The following ZNF384 variants were observed in gnomAD, a reference collection of about 807,000 sequenced individuals.
ZNF384 encodes zinc finger protein 384.
A neutral mutation model predicts 65.0 loss-of-function variants in ZNF384; 20 were observed. The ratio of observed to expected loss-of-function variants is 0.31; its 90% confidence interval spans 0.22 to 0.45. ZNF384 has a LOEUF of 0.45. ZNF384 is among the 20% of genes least tolerant of loss of function. The pLI is 1.00. For synonymous variants in ZNF384, 310 were observed against 303.9 expected, an observed-to-expected ratio of 1.02 and a Z score of -0.21; for missense variants, 549 against 769.4, an observed-to-expected ratio of 0.71 and a Z score of 3.39.
intron 2 of ZNF384, among the ~76,000 whole-genome samples, chr12:6,681,775 A>C (rs1956062654): frequency 6.6e-6 from 1 of 152,228 alleles, no homozygotes; most frequent in African/African-American, 2.4e-5. Flanking sequence ...CCCAATTTTC[A>C]TAAAATCTAT....
At chr12:6,675,416 C>G (rs1173543215) in intron 7 of ZNF384, among the ~76,000 whole-genome samples, 1 of 152,218 alleles carries the variant, frequency 6.6e-6, no homozygotes, top group Non-Finnish European at 1.5e-5. Flanking sequence ...ATGATGCCAG[C>G]CTACTTTAAG....
intron 3 of ZNF384, 21 bp downstream of exon 3, chr12:6,679,434 C>CAA: frequency 6.2e-7 from 1 of 1,611,528 alleles, no homozygotes; most frequent in South Asian, 1.1e-5. Context: ...TTGGAGAGAG[C>CAA]AAGAAAGCAA....
intron 3 of ZNF384, 38 bp from the exon 4 acceptor site, chr12:6,679,221 G>T: frequency 6.6e-7 from 1 of 1,519,500 alleles, no homozygotes; most frequent in Non-Finnish European, 8.9e-7. Context: ...ACCCTCTTCA[G>T]CCTGAGAGGC....
chr12:6,667,979 G>A lies in ZNF384; in HGVS notation c.1562C>T (p.Ala521Val). The change falls in exon 12 of 12, where the codon GCC becomes GTC. Residue 521 changes from alanine (A) to valine (V), a missense_variant. This residue lies in a region of ZNF384 where 136 missense variants were observed against 183.0 expected (regional missense o/e 0.74). Coordinates refer to ENST00000683879, the MANE Select transcript of ZNF384 (RefSeq NM_001385745.1). ...CTGGGAGGCCTGGGCCTGGGCCTGG[G>A]CTTGAGCCTGAGCCTGAGCCTGGGC... ...AQAQAQAQAQ[A>V]QAQAQASQAS... 1 of 1,611,944 alleles carries A rather than the reference G, an allele frequency of 6.2e-7. No homozygotes were observed. The highest frequency in any genetic ancestry group is 1.7e-5 in the Admixed American group (1 of 59,798).
At chr12:6,681,829 G>A (rs546540207) in intron 2 of ZNF384, among the ~76,000 whole-genome samples, 1 of 152,196 alleles carries the variant, frequency 6.6e-6, no homozygotes, top group East Asian at 1.9e-4. Context: ...AGTAGCGAGG[G>A]TGCAATGTAC....
At chr12:6,682,083 G>A (rs1281815736) in intron 2 of ZNF384, among the ~76,000 whole-genome samples, 2 of 149,876 alleles carry the variant, frequency 1.3e-5, no homozygotes, top group Admixed American at 6.7e-5. Flanking sequence ...CTTGAGGTCT[G>A]GAGTTTGAGA....
rs1403483751 is a variant in ZNF384 at position 6,678,669 on chromosome 12, A to G, written c.346T>C (p.Ser116Pro). The G allele has an allele frequency of 6.2e-7, 1 of 1,613,300 alleles. No individual in the cohort carries two copies. The highest frequency in any genetic ancestry group is 8.5e-7 in the Non-Finnish European group (1 of 1,179,848). The change falls in exon 5 of 12, where the codon TCA becomes CCA. Residue 116 changes from serine (S) to proline (P), a missense_variant. This residue lies in a region of ZNF384 where 277 missense variants were observed against 337.2 expected (regional missense o/e 0.82). Transcript: ENST00000683879. This position sits in a 1 kb window ranked among gnomAD's most constrained non-coding sequence, Gnocchi z 4.9. ...TGGTAACAGTGAGATTTACCCCTTG[A>G]TTGACTCCCTTCTCTTCTCCACCTC... ...SQRWRREGSQSRGPGLVITSP... is the reference protein window; with the variant it reads ...SQRWRREGSQPRGPGLVITSP...
At chr12:6,671,577 G>T (rs1951503146) in intron 9 of ZNF384, 1 of 152,238 alleles carries the variant, frequency 6.6e-6, no homozygotes, top group African/African-American at 2.4e-5. Flanking sequence ...TATTTGTGAG[G>T]AAAGCCTGAC....
At chr12:6,681,260 C>T (rs1252194250) in intron 2 of ZNF384, among the ~76,000 whole-genome samples, 1 of 151,972 alleles carries the variant, frequency 6.6e-6, no homozygotes, top group Non-Finnish European at 1.5e-5. Context: ...AAAGTAACCC[C>T]TCCGAATCAT....
intron 1 of ZNF384, 56 bp downstream of exon 1, chr12:6,689,042 G>A (rs1959040137): frequency 6.6e-6 from 1 of 152,346 alleles, no homozygotes; most frequent in Non-Finnish European, 1.5e-5. Flanking sequence ...AGGAAAAGGG[G>A]AGGGGGGAGG....
rs1206236293 is a variant in ZNF384, at chr12:6,667,089, A to C, written c.*625T>G. 2 of 233,036 alleles carry C rather than the reference A, an allele frequency of 8.6e-6. No individual in the cohort carries two copies. Among genetic ancestry groups the C allele is most frequent in the East Asian group, 1.2e-4 (2 of 16,018 alleles). 14.4% of individuals were successfully genotyped at this position (233,036 alleles called of 1,614,324 possible). ...TAAGCCACCTGTGACCAACTTGGGA[A>C]TTTCTGGCCCCTTGGGGACCACATC... is the stretch of plus-strand genomic sequence containing the variant. On this transcript the variant is annotated 3_prime_UTR_variant, in exon 12 of 12. Coordinates refer to ENST00000683879, the MANE Select transcript of ZNF384 (RefSeq NM_001385745.1).
chr12:6,670,907 T>G, intron 9 of ZNF384, 69 bp from the exon 10 acceptor site: 1 of 1,424,934 alleles, frequency 7.0e-7, no homozygotes, highest in Middle Eastern at 1.8e-4. Context: ...TCAACAAATC[T>G]TCTCCAGGCC....
chr12:6,680,776 G>A (rs561138525), intron 2 of ZNF384, among the ~76,000 whole-genome samples: 5 of 152,238 alleles, frequency 3.3e-5, no homozygotes, highest in South Asian at 2.1e-4. Flanking sequence ...CACATGCCGC[G>A]CTGAGCAGTG....
At chr12:6,668,246 G>C (rs927554398) in intron 11 of ZNF384, 131 bp from the exon 12 acceptor site, 3 of 921,276 alleles carry the variant, frequency 3.3e-6, no homozygotes, top group South Asian at 1.8e-5. Flanking sequence ...AGCCAAGACT[G>C]AGCAAAACTC....
rs1302907214 is a variant in ZNF384 at position 6,667,369 on chromosome 12, G to A, written c.*345C>T. On this transcript the variant is annotated 3_prime_UTR_variant, in exon 12 of 12. Transcript: ENST00000683879. ...CATCAGCCCAAACTTTGAGGATAAG[G>A]AGGGTAAGGATAGGGTAAGTGGCCA... The A allele has an allele frequency of 4.4e-6, 2 of 455,362 alleles. No homozygotes were observed. Among genetic ancestry groups the A allele is most frequent in the Admixed American group, 3.4e-5 (1 of 29,712 alleles). The allele number at this position is 455,362 out of a possible 1,614,324, so 28.2% of individuals were successfully genotyped here.
In ZNF384 at chr12:6,668,001, G is replaced by GAGCCTT. The variant is rs1950197648; in HGVS notation, c.1539_1540insAAGGCT (p.Ala513_Gln514insLysAla). ...TGGGCTTGAGCCTGAGCCTGAGCCT[G>GAGCCTT]GGCTTGAGCTTGAGCCTGGGCCTGG... On this transcript the variant is annotated inframe_insertion, in exon 12 of 12. Coordinates refer to ENST00000683879, the MANE Select transcript of ZNF384 (RefSeq NM_001385745.1). The GAGCCTT allele has an allele frequency of 6.2e-7, 1 of 1,613,250 alleles. No homozygotes were observed. Among genetic ancestry groups the GAGCCTT allele is most frequent in the Non-Finnish European group, 8.5e-7 (1 of 1,179,646 alleles).
intron 11 of ZNF384, among the ~76,000 whole-genome samples, 198 bp from the exon 12 acceptor site, chr12:6,668,313 T>C (rs1260946171): frequency 6.6e-6 from 1 of 152,084 alleles, no homozygotes; most frequent in East Asian, 1.9e-4. Context: ...CCTTTAGAAG[T>C]CACTCAACAT....
Position 6,679,533 on chromosome 12 carries a change from A to G in ZNF384, c.-5-8T>C, listed in dbSNP as rs753570063. ...GAGATTCTTCCATTCTACCTGAAGA[A>G]AAAATGAGAGAACATGTCACACTCA... On this transcript the variant is annotated splice_region_variant and splice_polypyrimidine_tract_variant and intron_variant, in intron 2 of 11. Coordinates refer to ENST00000683879, the MANE Select transcript of ZNF384 (RefSeq NM_001385745.1). The G allele has an allele frequency of 2.5e-6, 4 of 1,609,892 alleles. No homozygotes were observed. Among genetic ancestry groups the G allele is most frequent in the Non-Finnish European group, 3.4e-6 (4 of 1,176,356 alleles).
intron 2 of ZNF384, among the ~76,000 whole-genome samples, chr12:6,682,650 A>G (rs984842031): frequency 6.6e-6 from 1 of 152,182 alleles, no homozygotes; most frequent in Non-Finnish European, 1.5e-5. Context: ...AAAAACAAAC[A>G]AAAAACAAAA....
Sources: allele counts gnomAD v4.1 joint callset (sites outside exome capture counted in the v4.1 genomes callset), GRCh38; gene constraint gnomAD v4.1.1; regional missense constraint gnomAD v4.1.1; non-coding constraint Gnocchi (gnomAD v3.1); transcripts MANE v1.5; gene names NCBI Gene and HGNC (gene_info 2026-07-23, HGNC 2026-07-21).